Variants in NHSL2 observed in about 807,000 individuals in gnomAD.
The protein encoded by NHSL2 is NHS-like protein 2.
In NHSL2, 27 loss-of-function variants were observed where a neutral mutation model predicts 53.4. That is an observed-to-expected ratio of 0.51 (90% CI 0.37 to 0.70). The LOEUF is 0.70. Ranked by LOEUF, NHSL2 falls within the 30% of genes least tolerant of loss-of-function variation. The probability of loss-of-function intolerance (pLI) is 0.00; values close to 1 mark genes in which losing one functional copy is unlikely to be tolerated. For synonymous variants in NHSL2, 408 were observed against 404.1 expected (o/e 1.01, Z -0.12); for missense variants, 892 against 980.1 (o/e 0.91, Z 1.20).
chrX:72,048,765 C>T (rs1011225659), intron 1 of NHSL2, among the ~76,000 whole-genome samples: 2 of 109,732 alleles, frequency 1.8e-5, no homozygotes, highest in Admixed American at 2.0e-4. Context: ...GGTAGAAAAG[C>T]GTGTGCCTCC....
chrX:72,022,431 T>C (rs2042164552), intron 1 of NHSL2, among the ~76,000 whole-genome samples: 1 of 111,533 alleles, frequency 9.0e-6, no homozygotes, highest in Admixed American at 9.5e-5. Context: ...CTTACAGTTC[T>C]GGAAGCTGGG....
intron 1 of NHSL2, among the ~76,000 whole-genome samples, chrX:72,116,821 G>A (rs1414571422): frequency 9.0e-6 from 1 of 111,677 alleles, no homozygotes; most frequent in African/African-American, 3.3e-5. Context: ...CATCCTCAGG[G>A]AGGGAGAAAG....
chrX:72,040,550 T>TG (rs975157698), intron 1 of NHSL2, among the ~76,000 whole-genome samples: 1 of 112,051 alleles, frequency 8.9e-6, no homozygotes, highest in African/African-American at 3.3e-5. Context: ...GAGAATGATG[T>TG]GGGTGGTCCC....
chrX:72,082,259 G>A (rs192726397), intron 1 of NHSL2, among the ~76,000 whole-genome samples: 33 of 111,511 alleles, frequency 3.0e-4, no homozygotes, highest in Non-Finnish European at 5.7e-4. Context: ...ATCTGGTTGC[G>A]CAGGGTGCAG....
rs781244024 is a variant in NHSL2, at chrX:71,975,782, G to C, written c.280+64415G>C. ...TGGGGCATGTCCCTCTCTGTCTCAG[G>C]GAGAAAGCTGCTGCTGGCCCTACCA... is the stretch of plus-strand genomic sequence containing the variant. On this transcript the variant is annotated intron_variant, in intron 1 of 7. Coordinates refer to ENST00000633930, the MANE Select transcript of NHSL2 (RefSeq NM_001013627.3). Among the ~76,000 whole-genome samples the C allele has an allele frequency of 6.3e-5, 7 of 111,703 alleles. No individual in the cohort carries two copies. In the East Asian group the frequency reaches 2.0e-3, roughly 31 times the overall value.
intron 1 of NHSL2, among the ~76,000 whole-genome samples, chrX:72,069,439 G>C (rs1013053032): frequency 9.0e-6 from 1 of 111,214 alleles, no homozygotes; most frequent in African/African-American, 3.3e-5. Flanking sequence ...GAGAGACTGA[G>C]AGAGACTGAG....
chrX:72,071,186 T>C (rs1237410104), intron 1 of NHSL2, among the ~76,000 whole-genome samples: 1 of 111,785 alleles, frequency 8.9e-6, no homozygotes, highest in Non-Finnish European at 1.9e-5. Flanking sequence ...AATTTGGGTC[T>C]CTGTGGTGGA....
In NHSL2 at chrX:72,151,196, T is replaced by G. The variant is rs1355248891; in HGVS notation, c.*7622T>G. ...TGCCCAGCTAATATTTTTTTTTTTTTTGTATTTTTAGTAGAGGCAGAGTTT... is the reference window on the plus strand; with the variant it reads ...TGCCCAGCTAATATTTTTTTTTTTTGTGTATTTTTAGTAGAGGCAGAGTTT... On this transcript the variant is annotated 3_prime_UTR_variant, in exon 8 of 8. Transcript: ENST00000633930. 9.1e-6 allele frequency: 1 copy of G among 110,045 alleles called. No individual in the cohort carries two copies. Among genetic ancestry groups the G allele is most frequent in the East Asian group, 2.8e-4 (1 of 3,513 alleles). 9.1% of individuals were successfully genotyped at this position (110,045 alleles called of 1,213,427 possible).
chrX:72,143,310 A>G lies in NHSL2; in HGVS notation c.3414A>G (p.Arg1138=). Residue 1138 remains arginine, a synonymous_variant, in exon 8 of 8, where the codon AGA becomes AGG. Transcript: ENST00000633930. ...CTGGTGAGGCCTTTGTGGGTGGCAGAACGAGTTCCCACTCACCAATAAAGA... is the reference window on the plus strand; with the variant it reads ...CTGGTGAGGCCTTTGTGGGTGGCAGGACGAGTTCCCACTCACCAATAAAGA... The part of the protein sequence containing the change: ...KEPGEAFVGG[R]TSSHSPIKNT... 8.6e-7 allele frequency: 1 copy of G among 1,166,570 alleles called. No homozygotes were observed. The highest frequency in any genetic ancestry group is 1.8e-5 in the African/African-American group (1 of 56,253).
Position 72,150,213 on chromosome X carries a change from G to A in NHSL2, c.*6639G>A, listed in dbSNP as rs1426461327. 1 of 112,424 alleles carries A rather than the reference G, an allele frequency of 8.9e-6. No homozygotes were observed. The highest frequency in any genetic ancestry group is 2.8e-4 in the East Asian group (1 of 3,624). The allele number at this position is 112,424 out of a possible 1,213,427, so 9.3% of individuals were successfully genotyped here. A position where few individuals can be genotyped will look rare whatever the true frequency, so the allele number is the denominator to read the frequency against. ...AGTACAATGGATGTTTTCCCTAAAAGTTGTGTGAAAAATGAGTTTTTTAGA... is the reference window on the plus strand; with the variant it reads ...AGTACAATGGATGTTTTCCCTAAAAATTGTGTGAAAAATGAGTTTTTTAGA... On this transcript the variant is annotated 3_prime_UTR_variant, in exon 8 of 8. Coordinates refer to ENST00000633930, the MANE Select transcript of NHSL2 (RefSeq NM_001013627.3).
chrX:71,936,390 C>T lies in NHSL2; in HGVS notation c.280+25023C>T, dbSNP rs982118699. 3.6e-5 allele frequency among the ~76,000 whole-genome samples: 4 copies of T among 111,710 alleles called. No individual in the cohort carries two copies. The East Asian group carries it at 1.1e-3, about 31-fold the overall frequency. On this transcript the variant is annotated intron_variant, in intron 1 of 7. Coordinates refer to ENST00000633930, the MANE Select transcript of NHSL2 (RefSeq NM_001013627.3). ...CTCTCTGAATCTCTAGGCATGTTTC[C>T]CATCCAGAAATTTAGGCAGTGGGTC... is the stretch of plus-strand genomic sequence containing the variant.
At chrX:72,001,854 C>T (rs1287112357) in intron 1 of NHSL2, among the ~76,000 whole-genome samples, 1 of 112,526 alleles carries the variant, frequency 8.9e-6, no homozygotes, top group African/African-American at 3.2e-5. Flanking sequence ...GCCCAAGGGA[C>T]TCATGTCCTC....
chrX:72,137,338 G>A, intron 5 of NHSL2, 113 bp downstream of exon 5: 1 of 749,712 alleles, frequency 1.3e-6, no homozygotes, highest in Non-Finnish European at 1.9e-6. Context: ...GTGGAGGAGG[G>A]GGCCTCCGGA....
chrX:71,967,418 A>G (rs1481911206), intron 1 of NHSL2, among the ~76,000 whole-genome samples: 2 of 111,587 alleles, frequency 1.8e-5, no homozygotes, highest in Non-Finnish European at 3.8e-5. Flanking sequence ...CATTTCTAAT[A>G]TGTACATGCT....
intron 1 of NHSL2, among the ~76,000 whole-genome samples, chrX:72,044,272 C>G (rs1293512257): frequency 8.9e-6 from 1 of 112,044 alleles, no homozygotes; most frequent in East Asian, 2.8e-4. Context: ...TTTTTGGATT[C>G]TTGCTTGCTT....
At chrX:72,060,045 G>A (rs2042391124) in intron 1 of NHSL2, among the ~76,000 whole-genome samples, 1 of 111,728 alleles carries the variant, frequency 9.0e-6, no homozygotes, top group Admixed American at 9.5e-5. Flanking sequence ...TTGCAATTAT[G>A]TCTGTCTTTC....
intron 1 of NHSL2, among the ~76,000 whole-genome samples, chrX:71,921,831 C>T (rs1328489124): frequency 8.9e-6 from 1 of 112,564 alleles, no homozygotes; most frequent in African/African-American, 3.2e-5. Context: ...GCCTCCAAAT[C>T]AACGTCTAGA....
At chrX:72,120,874 G>A (rs1312928751) in intron 1 of NHSL2, among the ~76,000 whole-genome samples, 3 of 112,561 alleles carry the variant, frequency 2.7e-5, no homozygotes, top group Admixed American at 1.9e-4. Flanking sequence ...CCCTCTCACT[G>A]TGGAAATTAA....
chrX:72,116,662 A>G, intron 1 of NHSL2, among the ~76,000 whole-genome samples: 1 of 111,716 alleles, frequency 9.0e-6, no homozygotes, highest in Non-Finnish European at 1.9e-5. Flanking sequence ...TCATCAGGTT[A>G]CACTGGAGAA....
Sources: gnomAD v4.1 joint callset for allele counts (sites outside exome capture counted in the v4.1 genomes callset) on GRCh38, gnomAD v4.1.1 for gene constraint, MANE v1.5 for transcripts, NCBI Gene and HGNC (gene_info 2026-07-23, HGNC 2026-07-21) for gene names.